NEGR1: variants seen among roughly 807,000 people sequenced by gnomAD.
The protein encoded by NEGR1 is neuronal growth regulator 1, also known as IgLON family member 4.
In NEGR1, 10 loss-of-function variants were observed where a neutral mutation model predicts 40.9. The ratio of observed to expected loss-of-function variants is 0.24; its 90% CI spans 0.15 to 0.42. The LOEUF (loss-of-function observed/expected upper bound fraction) is 0.42, where lower values mean the gene tolerates loss of function less well. Among genes scored for constraint, NEGR1 ranks in the 10% least tolerant of loss-of-function variants. The pLI is 1.00. For missense variants in NEGR1, 352 were observed against 438.9 expected, an observed-to-expected ratio of 0.80 and a Z score of 1.77; for synonymous variants, 185 against 166.8, an observed-to-expected ratio of 1.11 and a Z score of -0.84.
At chr1:71,417,936 A>G (rs971881992) in intron 6 of NEGR1, among the ~76,000 whole-genome samples, 2 of 152,182 alleles carry the variant, frequency 1.3e-5, no homozygotes, top group Non-Finnish European at 2.9e-5. Context: ...TGACACCAAC[A>G]ATATATGTCC....
intron 2 of NEGR1, among the ~76,000 whole-genome samples, chr1:71,868,656 G>A (rs909084888): frequency 6.6e-6 from 1 of 152,168 alleles, no homozygotes; most frequent in Non-Finnish European, 1.5e-5. Context: ...CTTTCTAGGT[G>A]TTTTCTAATA....
intron 3 of NEGR1, among the ~76,000 whole-genome samples, chr1:71,763,172 G>T (rs1656007050): frequency 6.6e-6 from 1 of 152,094 alleles, no homozygotes; most frequent in South Asian, 2.1e-4. Context: ...AAATGGTATA[G>T]AAATATACAC....
chr1:71,894,086 G>C (rs1415480481), intron 2 of NEGR1, among the ~76,000 whole-genome samples: 5 of 113,604 alleles, frequency 4.4e-5, no homozygotes, highest in African/African-American at 1.6e-4. Flanking sequence ...GTCGGGGGAG[G>C]GGGGAGGGAT....
At chr1:71,994,042 A>G (rs1404011857) in intron 1 of NEGR1, among the ~76,000 whole-genome samples, 1 of 152,158 alleles carries the variant, frequency 6.6e-6, no homozygotes, top group African/African-American at 2.4e-5. Flanking sequence ...GACCTAATAG[A>G]ACATCCAGCA....
At chr1:71,416,836 C>T (rs1646359131) in intron 6 of NEGR1, among the ~76,000 whole-genome samples, 1 of 152,168 alleles carries the variant, frequency 6.6e-6, no homozygotes, top group Admixed American at 6.5e-5. Flanking sequence ...CTGAGATGGG[C>T]TTCTATGTCT....
intron 1 of NEGR1, among the ~76,000 whole-genome samples, chr1:72,177,287 T>C (rs1360889604): frequency 2.0e-5 from 3 of 152,010 alleles, no homozygotes; most frequent in Non-Finnish European, 4.4e-5. Flanking sequence ...ACAGGTGATA[T>C]GATGTGATGA....
intron 6 of NEGR1, among the ~76,000 whole-genome samples, chr1:71,563,857 A>T (rs1012221651): frequency 2.0e-5 from 3 of 151,926 alleles, no homozygotes; most frequent in African/African-American, 7.2e-5. Context: ...TTGTCCTAGC[A>T]GGTTGACACA....
intron 1 of NEGR1, among the ~76,000 whole-genome samples, chr1:71,986,781 C>T (rs1390893285): frequency 6.6e-6 from 1 of 152,202 alleles, no homozygotes; most frequent in Non-Finnish European, 1.5e-5. Flanking sequence ...TCTCAGAGTC[C>T]ATTCTCATGA....
At chr1:71,936,886 A>T (rs1645910917) in intron 1 of NEGR1, among the ~76,000 whole-genome samples, 1 of 152,216 alleles carries the variant, frequency 6.6e-6, no homozygotes, top group Admixed American at 6.5e-5. Context: ...GAGGCCTGGA[A>T]TTCTGTTTCA....
intron 6 of NEGR1, among the ~76,000 whole-genome samples, chr1:71,512,499 T>G (rs1264987937): frequency 6.6e-6 from 1 of 152,104 alleles, no homozygotes; most frequent in East Asian, 1.9e-4. Flanking sequence ...AAGGCAAAAT[T>G]TGCACAGCAT....
chr1:71,862,137 C>T (rs1219280609), intron 2 of NEGR1, among the ~76,000 whole-genome samples: 1 of 151,970 alleles, frequency 6.6e-6, no homozygotes, highest in Admixed American at 6.6e-5. Flanking sequence ...TTTCTGAATG[C>T]TTATTATAGG....
chr1:71,925,728 GAA>G (rs11308316), intron 2 of NEGR1, among the ~76,000 whole-genome samples: 21 of 146,804 alleles, frequency 1.4e-4, no homozygotes, highest in East Asian at 8.1e-4. Context: ...CATGATTTGG[GAA>G]AAAAAAAAAG....
intron 1 of NEGR1, among the ~76,000 whole-genome samples, chr1:72,095,982 T>A (rs1648682014): frequency 6.6e-6 from 1 of 152,184 alleles, no homozygotes; most frequent in Admixed American, 6.6e-5. Context: ...TTCCTTTTTT[T>A]TAAGCTTTGA....
intron 1 of NEGR1, among the ~76,000 whole-genome samples, chr1:72,126,088 A>AGTGT (rs72096511): frequency 0.1 from 12,956 of 129,228 alleles, 794 homozygotes; most frequent in Non-Finnish European, 0.13. Flanking sequence ...ATTAGAGAAA[A>AGTGT]GTATGTGTGT....
At chr1:72,281,508 G>A (rs1355306164) in intron 1 of NEGR1, among the ~76,000 whole-genome samples, 1 of 152,034 alleles carries the variant, frequency 6.6e-6, no homozygotes, top group African/African-American at 2.4e-5. Flanking sequence ...GTGCCACAGG[G>A]GTGGGAAACG....
chr1:71,878,613 T>G (rs1660499006), intron 2 of NEGR1, among the ~76,000 whole-genome samples: 1 of 152,184 alleles, frequency 6.6e-6, no homozygotes, highest in Non-Finnish European at 1.5e-5. Context: ...AAATAATAAA[T>G]AGCTGGAAAT....
chr1:72,074,455 T>C (rs962468593), intron 1 of NEGR1, among the ~76,000 whole-genome samples: 3 of 151,996 alleles, frequency 2.0e-5, no homozygotes, highest in Admixed American at 6.6e-5. Context: ...GGAAAAAATG[T>C]GTATCTCTGT....
chr1:71,567,117 G>A (rs1648646633), intron 6 of NEGR1, among the ~76,000 whole-genome samples: 1 of 152,166 alleles, frequency 6.6e-6, no homozygotes, highest in Non-Finnish European at 1.5e-5. Context: ...GAGGAAAAGA[G>A]TGAAACTGAC....
chr1:72,170,437 T>C (rs562145074), intron 1 of NEGR1, among the ~76,000 whole-genome samples: 2 of 152,250 alleles, frequency 1.3e-5, no homozygotes, highest in Admixed American at 1.3e-4. Context: ...GGACAGGGAT[T>C]TGTGTTGTAT....
Sources: allele counts gnomAD v4.1 joint callset (sites outside exome capture counted in the v4.1 genomes callset), GRCh38; gene constraint gnomAD v4.1.1; transcripts MANE v1.5; gene names NCBI Gene and HGNC (gene_info 2026-07-23, HGNC 2026-07-21).